WWOX: variants seen among roughly 807,000 people sequenced by gnomAD.
WWOX encodes the protein WW domain-containing oxidoreductase.
In WWOX, 69 loss-of-function variants were observed where a neutral mutation model predicts 46.2. The observed-to-expected ratio is 1.49, with a 90% CI of 1.23 to 1.82. The LOEUF (loss-of-function observed/expected upper bound fraction) is 1.82, where lower values mean the gene tolerates loss of function less well. Among genes scored for constraint, WWOX ranks in the 40% most tolerant of loss-of-function variants. WWOX has a pLI of 0.00. For missense variants in WWOX, 919 were observed against 542.6 expected, an observed-to-expected ratio of 1.69 and a Z score of -6.89; for synonymous variants, 359 against 202.6, an observed-to-expected ratio of 1.77 and a Z score of -6.56.
chr16:79,047,263 C>G (rs1437948086), intron 8 of WWOX, among the ~76,000 whole-genome samples: 1 of 152,100 alleles, frequency 6.6e-6, no homozygotes, highest in Non-Finnish European at 1.5e-5. Flanking sequence ...ATTTAAAGGC[C>G]ACAAATACTT....
At chr16:78,852,475 G>C (rs1184507933) in intron 8 of WWOX, among the ~76,000 whole-genome samples, 1 of 152,162 alleles carries the variant, frequency 6.6e-6, no homozygotes, top group Non-Finnish European at 1.5e-5. Flanking sequence ...AGTCAGACCA[G>C]ATTGCCAGCC....
chr16:79,036,601 T>C (rs1475817023), intron 8 of WWOX, among the ~76,000 whole-genome samples: 1 of 152,190 alleles, frequency 6.6e-6, no homozygotes, highest in East Asian at 1.9e-4. Context: ...TGATCTGTCC[T>C]TCTATGAAAG....
chr16:79,148,060 T>G (rs946471391), intron 8 of WWOX, among the ~76,000 whole-genome samples: 4 of 152,188 alleles, frequency 2.6e-5, no homozygotes, highest in Admixed American at 1.3e-4. Context: ...ATTTGCAAAA[T>G]AAAAGTATTT....
intron 8 of WWOX, among the ~76,000 whole-genome samples, chr16:78,791,769 A>G (rs2050607074): frequency 6.6e-6 from 1 of 152,066 alleles, no homozygotes; most frequent in African/African-American, 2.4e-5. Context: ...AATTGCAGCT[A>G]CTTGGAAGGC....
chr16:79,181,650 C>G (rs184229640), intron 8 of WWOX, among the ~76,000 whole-genome samples: 23 of 152,144 alleles, frequency 1.5e-4, no homozygotes, highest in Middle Eastern at 3.4e-3. Flanking sequence ...TGGGTGGTAT[C>G]CAGTTCTTTG....
chr16:78,215,431 G>C (rs1260600028), intron 5 of WWOX, among the ~76,000 whole-genome samples: 1 of 152,168 alleles, frequency 6.6e-6, no homozygotes, highest in Admixed American at 6.5e-5. Flanking sequence ...CGTGAGATCT[G>C]ATAGTTTTAT....
At chr16:79,032,246 T>C (rs2047776954) in intron 8 of WWOX, among the ~76,000 whole-genome samples, 1 of 146,354 alleles carries the variant, frequency 6.8e-6, no homozygotes, top group Admixed American at 7.0e-5. Flanking sequence ...AGAGAGTCTA[T>C]TATATATATT....
intron 8 of WWOX, among the ~76,000 whole-genome samples, chr16:79,064,246 A>G (rs560099173): frequency 2.9e-4 from 44 of 152,240 alleles, no homozygotes; most frequent in Non-Finnish European, 6.0e-4. Flanking sequence ...TACAAGGCAA[A>G]GAAAATACAA....
chr16:79,177,341 G>C (rs980317386), intron 8 of WWOX, among the ~76,000 whole-genome samples: 1 of 151,504 alleles, frequency 6.6e-6, no homozygotes. Context: ...CCCTGTTAAA[G>C]TACTGTACTT....
chr16:79,001,083 G>T (rs1567473582), intron 8 of WWOX, among the ~76,000 whole-genome samples: 1 of 152,316 alleles, frequency 6.6e-6, no homozygotes, highest in East Asian at 1.9e-4. Flanking sequence ...GCAGGAGAAA[G>T]AAGGGCAAGG....
At chr16:79,031,812 T>C (rs28590013) in intron 8 of WWOX, among the ~76,000 whole-genome samples, 19 of 132,304 alleles carry the variant, frequency 1.4e-4, no homozygotes, top group Non-Finnish European at 3.0e-4. Flanking sequence ...ATCTATATAA[T>C]ATATATAATC....
At chr16:78,774,749 C>G (rs1185827601) in intron 8 of WWOX, among the ~76,000 whole-genome samples, 1 of 152,108 alleles carries the variant, frequency 6.6e-6, no homozygotes, top group Admixed American at 6.5e-5. Context: ...CACATGGGCA[C>G]ATATGATAGC....
At chr16:78,600,604 T>C (rs1356346456) in intron 8 of WWOX, among the ~76,000 whole-genome samples, 1 of 152,182 alleles carries the variant, frequency 6.6e-6, no homozygotes, top group Non-Finnish European at 1.5e-5. Flanking sequence ...AGGACCCATC[T>C]TGTGACTGCA....
intron 8 of WWOX, among the ~76,000 whole-genome samples, chr16:78,612,611 A>G (rs919624353): frequency 3.3e-5 from 5 of 152,130 alleles, no homozygotes; most frequent in African/African-American, 1.2e-4. Flanking sequence ...AAGTAGGACT[A>G]CAGTTGTGCA....
At chr16:78,373,716 T>G (rs2081751020) in intron 5 of WWOX, among the ~76,000 whole-genome samples, 2 of 152,174 alleles carry the variant, frequency 1.3e-5, no homozygotes, top group African/African-American at 4.8e-5. Flanking sequence ...GACTGATAAA[T>G]TTGAAATAAT....
chr16:79,012,296 A>T (rs978646383), intron 8 of WWOX, among the ~76,000 whole-genome samples: 1 of 151,968 alleles, frequency 6.6e-6, no homozygotes, highest in African/African-American at 2.4e-5. Flanking sequence ...GCAGTGGTGC[A>T]ATCTCGACTC....
At chr16:78,833,156 C>G (rs890979299) in intron 8 of WWOX, among the ~76,000 whole-genome samples, 20 of 152,166 alleles carry the variant, frequency 1.3e-4, no homozygotes, top group African/African-American at 4.6e-4. Context: ...ATCCTCCAGC[C>G]TCTGCCTGCC....
chr16:78,539,095 C>G (rs534218162), intron 8 of WWOX, among the ~76,000 whole-genome samples: 1 of 152,222 alleles, frequency 6.6e-6, no homozygotes, highest in Non-Finnish European at 1.5e-5. Context: ...CAGGAACTTG[C>G]AACCCTGATA....
chr16:78,964,645 G>T (rs554325571), intron 8 of WWOX, among the ~76,000 whole-genome samples: 2 of 152,322 alleles, frequency 1.3e-5, no homozygotes, highest in South Asian at 4.1e-4. Context: ...ATTCAAGCTG[G>T]CTGCAGAAAT....
Sources: gnomAD v4.1 joint callset for allele counts (sites outside exome capture counted in the v4.1 genomes callset) on GRCh38, gnomAD v4.1.1 for gene constraint, MANE v1.5 for transcripts, NCBI Gene and HGNC (gene_info 2026-07-23, HGNC 2026-07-21) for gene names.